The following CDH13 variants were observed in gnomAD, a reference collection of about 807,000 sequenced individuals.
The protein encoded by CDH13 is cadherin 13, also known as cadherin-13.
In CDH13, 24 loss-of-function variants were observed where a neutral mutation model predicts 63.8. The ratio of observed to expected loss-of-function variants is 0.38; its 90% CI spans 0.27 to 0.53. CDH13 has a LOEUF of 0.53. Ranked by LOEUF, CDH13 falls within the 20% of genes least tolerant of loss-of-function variation. The pLI is 0.85. For missense variants in CDH13, 1,049 were observed against 903.1 expected (o/e 1.16, Z -2.07); for synonymous variants, 503 against 355.3 (o/e 1.42, Z -4.67).
chr16:82,630,101 T>C (rs1237828374), intron 1 of CDH13, among the ~76,000 whole-genome samples: 1 of 152,172 alleles, frequency 6.6e-6, no homozygotes, highest in Non-Finnish European at 1.5e-5. Flanking sequence ...ATTTTCAGGA[T>C]TTTCAATGAG....
intron 1 of CDH13, among the ~76,000 whole-genome samples, chr16:82,816,830 C>G (rs1213293970): frequency 2.6e-5 from 4 of 151,492 alleles, no homozygotes. Context: ...GGGGGAATGA[C>G]TCATCATCTC....
At chr16:82,958,459 A>G (rs1906459446) in intron 2 of CDH13, among the ~76,000 whole-genome samples, 1 of 152,236 alleles carries the variant, frequency 6.6e-6, no homozygotes, top group Non-Finnish European at 1.5e-5. Context: ...GAGATGGCCC[A>G]GATAGAAATG....
chr16:83,779,048 C>G (rs923254770), intron 11 of CDH13, among the ~76,000 whole-genome samples: 2 of 152,152 alleles, frequency 1.3e-5, no homozygotes, highest in African/African-American at 2.4e-5. Context: ...GTGAGAATGA[C>G]TTTTTAGTGT....
intron 1 of CDH13, among the ~76,000 whole-genome samples, chr16:82,699,576 C>T (rs1035939412): frequency 3.3e-5 from 5 of 152,190 alleles, no homozygotes; most frequent in Non-Finnish European, 7.3e-5. Flanking sequence ...CACTAAGAAC[C>T]TTTTAGAAAT....
At chr16:83,101,559 G>A (rs1043186788) in intron 3 of CDH13, among the ~76,000 whole-genome samples, 18 of 152,100 alleles carry the variant, frequency 1.2e-4, no homozygotes, top group Non-Finnish European at 1.5e-4. Context: ...TTGGGAGACC[G>A]AGGTGGGTGG....
intron 10 of CDH13, among the ~76,000 whole-genome samples, chr16:83,719,352 G>A (rs1430134429): frequency 6.6e-6 from 1 of 152,116 alleles, no homozygotes; most frequent in East Asian, 1.9e-4. Context: ...CAGCAACCCT[G>A]TGAGGGATCC....
At chr16:83,050,696 A>G (rs946929171) in intron 3 of CDH13, among the ~76,000 whole-genome samples, 4 of 151,990 alleles carry the variant, frequency 2.6e-5, no homozygotes, top group South Asian at 2.1e-4. Flanking sequence ...TCGTGTCTAC[A>G]GCGCATCTCC....
intron 10 of CDH13, among the ~76,000 whole-genome samples, chr16:83,696,830 G>T (rs1003561939): frequency 2.6e-5 from 4 of 152,064 alleles, no homozygotes; most frequent in Non-Finnish European, 5.9e-5. Context: ...TCCACATCGC[G>T]GTGATCCTCT....
chr16:82,686,648 T>G (rs1026864953), intron 1 of CDH13, among the ~76,000 whole-genome samples: 2 of 152,352 alleles, frequency 1.3e-5, no homozygotes, highest in South Asian at 4.1e-4. Flanking sequence ...CAATGATTAT[T>G]GTTATGATTC....
chr16:83,748,323 T>C, intron 11 of CDH13, 73 bp downstream of exon 11: 1 of 1,393,286 alleles, frequency 7.2e-7, no homozygotes, highest in Non-Finnish European at 9.8e-7. Flanking sequence ...TTAAATTTCT[T>C]CTGATACACC....
intron 2 of CDH13, among the ~76,000 whole-genome samples, chr16:82,998,118 G>A (rs1043203554): frequency 6.6e-6 from 1 of 152,132 alleles, no homozygotes; most frequent in African/African-American, 2.4e-5. Flanking sequence ...CCTTTCTATG[G>A]CTTCAAAGCC....
At chr16:83,064,703 A>G (rs1375306685) in intron 3 of CDH13, among the ~76,000 whole-genome samples, 2 of 152,198 alleles carry the variant, frequency 1.3e-5, no homozygotes, top group African/African-American at 4.8e-5. Flanking sequence ...GTATTTAATT[A>G]AAAGAATTAT....
At chr16:83,372,728 G>C (rs2091393204) in intron 6 of CDH13, among the ~76,000 whole-genome samples, 1 of 145,034 alleles carries the variant, frequency 6.9e-6, no homozygotes, top group African/African-American at 2.6e-5. Context: ...CTCCAGCCTG[G>C]TGACAGAGCG....
At chr16:83,209,634 A>G (rs1296988409) in intron 4 of CDH13, among the ~76,000 whole-genome samples, 1 of 152,138 alleles carries the variant, frequency 6.6e-6, no homozygotes, top group African/African-American at 2.4e-5. Flanking sequence ...CTTCACTCAG[A>G]GTGTTAATCA....
chr16:82,664,202 T>A (rs991439695), intron 1 of CDH13, among the ~76,000 whole-genome samples: 1 of 152,258 alleles, frequency 6.6e-6, no homozygotes, highest in Non-Finnish European at 1.5e-5. Flanking sequence ...TACTTTTCAC[T>A]AAATTGTGCT....
intron 2 of CDH13, among the ~76,000 whole-genome samples, chr16:83,022,580 C>A (rs1015673019): frequency 6.6e-6 from 1 of 152,208 alleles, no homozygotes; most frequent in African/African-American, 2.4e-5. Context: ...CACTGCAAGT[C>A]CTTCTCTTCT....
chr16:82,641,439 G>T (rs1345252897), intron 1 of CDH13, among the ~76,000 whole-genome samples: 1 of 152,220 alleles, frequency 6.6e-6, no homozygotes, highest in Non-Finnish European at 1.5e-5. Context: ...AATGGTAACA[G>T]AAAGAATTAT....
chr16:83,414,859 G>C (rs1166129575), intron 6 of CDH13, among the ~76,000 whole-genome samples: 2 of 152,122 alleles, frequency 1.3e-5, no homozygotes, highest in African/African-American at 4.8e-5. Flanking sequence ...ATTGTGAATA[G>C]TGCTGCAGTG....
intron 3 of CDH13, among the ~76,000 whole-genome samples, chr16:83,094,135 T>C (rs996818984): frequency 6.6e-6 from 1 of 152,150 alleles, no homozygotes; most frequent in African/African-American, 2.4e-5. Flanking sequence ...AAAATTCTCG[T>C]TGCATGGCTC....
Sources: allele counts gnomAD v4.1 joint callset (sites outside exome capture counted in the v4.1 genomes callset), GRCh38; gene constraint gnomAD v4.1.1; transcripts MANE v1.5; gene names NCBI Gene and HGNC (gene_info 2026-07-23, HGNC 2026-07-21).